Variants in THNSL1 observed in about 807,000 individuals in gnomAD.
THNSL1 encodes the protein threonine synthase like 1, also known as threonine synthase-like 1.
THNSL1 carries 48 observed loss-of-function variants against 50.4 expected under a neutral mutation model. That is an observed-to-expected ratio of 0.95 (90% CI 0.76 to 1.21). THNSL1 has a LOEUF of 1.21. THNSL1 is among the 50% of genes most tolerant of loss of function. THNSL1 has a pLI of 0.00. For missense variants in THNSL1, 896 were observed against 871.7 expected, an observed-to-expected ratio of 1.03 and a Z score of -0.35; for synonymous variants, 309 against 306.1, an observed-to-expected ratio of 1.01 and a Z score of -0.10.
At chr10:25,008,406 T>C in the THNSL1 span, among the ~76,000 whole-genome samples, 1 of 151,726 alleles carries the variant, frequency 6.6e-6, no homozygotes, top group Non-Finnish European at 1.5e-5. Flanking sequence ...CACCTAAGAG[T>C]TCCTAATAGT....
chr10:24,975,719 C>G, the THNSL1 span, among the ~76,000 whole-genome samples: 1 of 152,138 alleles, frequency 6.6e-6, no homozygotes, highest in Non-Finnish European at 1.5e-5. Context: ...CTGAGGCCTC[C>G]CCAGCCATGT....
upstream of THNSL1, among the ~76,000 whole-genome samples, chr10:25,012,955 C>T (rs1654751139): frequency 6.6e-6 from 1 of 152,124 alleles, no homozygotes; most frequent in Non-Finnish European, 1.5e-5. Context: ...TCCCATATGT[C>T]ATGGGAGGGA....
chr10:24,999,526 GC>G, the THNSL1 span: 1 of 1,609,292 alleles, frequency 6.2e-7, no homozygotes, highest in Non-Finnish European at 8.5e-7. Flanking sequence ...TTTTACAGTT[GC>G]CTTAAAAATG....
At chr10:24,978,970 C>A in the THNSL1 span, among the ~76,000 whole-genome samples, 9 of 152,134 alleles carry the variant, frequency 5.9e-5, no homozygotes, top group African/African-American at 1.4e-4. Flanking sequence ...ATTTTTTAAA[C>A]CATAGCACAT....
At chr10:24,998,889 C>G in the THNSL1 span, among the ~76,000 whole-genome samples, 1 of 152,182 alleles carries the variant, frequency 6.6e-6, no homozygotes, top group Admixed American at 6.5e-5. Context: ...ACCACTTATT[C>G]ATGAAGTCTC....
chr10:25,020,031 A>G (rs1040980074), intron 1 of THNSL1, among the ~76,000 whole-genome samples: 43 of 152,290 alleles, frequency 2.8e-4, no homozygotes, highest in Non-Finnish European at 2.2e-4. Flanking sequence ...GTTGGTTAAA[A>G]AATGTTGAGC....
chr10:24,999,531 A>G, the THNSL1 span: 6 of 1,609,058 alleles, frequency 3.7e-6, no homozygotes, highest in Non-Finnish European at 5.1e-6. Context: ...CAGTTGCCTT[A>G]AAAATGGATA....
the THNSL1 span, among the ~76,000 whole-genome samples, chr10:24,958,518 C>A: frequency 6.6e-6 from 1 of 152,192 alleles, no homozygotes; most frequent in Non-Finnish European, 1.5e-5. Context: ...ATAATTGCAA[C>A]AAAACCCAAC....
the THNSL1 span, among the ~76,000 whole-genome samples, chr10:24,971,442 G>A: frequency 2.6e-5 from 4 of 152,030 alleles, no homozygotes; most frequent in Admixed American, 6.6e-5. Context: ...CTTCCTAGGA[G>A]GGCATCATCC....
the THNSL1 span, among the ~76,000 whole-genome samples, chr10:24,959,440 A>G: frequency 6.6e-6 from 1 of 152,206 alleles, no homozygotes; most frequent in Admixed American, 6.5e-5. Flanking sequence ...AGATGGAGAA[A>G]GTAAAAGAAA....
chr10:24,997,589 T>G, the THNSL1 span, among the ~76,000 whole-genome samples: 1 of 151,862 alleles, frequency 6.6e-6, no homozygotes, highest in Non-Finnish European at 1.5e-5. Flanking sequence ...GGGTCTCACT[T>G]TGTTGCTCAG....
At chr10:24,994,862 T>C in the THNSL1 span, among the ~76,000 whole-genome samples, 2 of 151,626 alleles carry the variant, frequency 1.3e-5, no homozygotes, top group Admixed American at 6.6e-5. Context: ...GTCTACTAAA[T>C]ATACAAAAAA....
In THNSL1 at chr10:25,023,659, A is replaced by G; in HGVS notation, c.436A>G (p.Lys146Glu). 2 of 1,614,166 alleles carry G rather than the reference A, an allele frequency of 1.2e-6. No homozygotes were observed. The highest frequency in any genetic ancestry group is 1.1e-5 in the South Asian group (1 of 91,080). Reference sequence around the variant, plus strand: ...GCATGATGCTAGCATGTGGCATCTGAAGAAAAATGGAATAATTGTATACCT... The same window carrying G: ...GCATGATGCTAGCATGTGGCATCTGGAGAAAAATGGAATAATTGTATACCT... ...PMHDASMWHLKKNGIIVYLDV... is the reference protein window; with the variant it reads ...PMHDASMWHLEKNGIIVYLDV... The change falls in exon 3 of 3, where the codon AAG (lysine) becomes GAG (glutamate). Residue 146 changes from lysine (K) to glutamate (E), a missense_variant. By Grantham distance (56) the Lys-to-Glu change is moderately conservative. Transcript: ENST00000376356.
the THNSL1 span, among the ~76,000 whole-genome samples, chr10:24,952,878 C>T: frequency 8.6e-5 from 13 of 151,886 alleles, no homozygotes; most frequent in Non-Finnish European, 1.3e-4. This position sits in a 1 kb window ranked among gnomAD's most constrained non-coding sequence, Gnocchi z 5.1. Context: ...GCTGTCGCCG[C>T]CGCCCCCTGC....
At chr10:24,975,443 T>C in the THNSL1 span, among the ~76,000 whole-genome samples, 1 of 152,222 alleles carries the variant, frequency 6.6e-6, no homozygotes, top group African/African-American at 2.4e-5. Flanking sequence ...GGTTATGTTG[T>C]TGATATGGTT....
At chr10:25,011,920 C>A (rs1349778367), upstream of THNSL1, among the ~76,000 whole-genome samples, 1 of 152,228 alleles carries the variant, frequency 6.6e-6, no homozygotes, top group Non-Finnish European at 1.5e-5. Context: ...TGTCAGAGGT[C>A]TCCACAGCAG....
At chr10:24,995,808 A>G in the THNSL1 span, 1 of 1,614,078 alleles carries the variant, frequency 6.2e-7, no homozygotes, top group Non-Finnish European at 8.5e-7. Context: ...TTCCCATGAC[A>G]GGATGATCAG....
At chr10:24,990,958 G>A in the THNSL1 span, among the ~76,000 whole-genome samples, 1 of 152,182 alleles carries the variant, frequency 6.6e-6, no homozygotes, top group Non-Finnish European at 1.5e-5. Context: ...AAATTAGCCA[G>A]GCATCGTGGC....
chr10:24,990,645 T>G, the THNSL1 span: 3 of 1,574,686 alleles, frequency 1.9e-6, no homozygotes, highest in Non-Finnish European at 2.6e-6. Flanking sequence ...AATCAATATT[T>G]TGTATGCAAT....
Sources: allele counts gnomAD v4.1 joint callset (sites outside exome capture counted in the v4.1 genomes callset), GRCh38; gene constraint gnomAD v4.1.1; non-coding constraint Gnocchi (gnomAD v3.1); transcripts MANE v1.5; gene names NCBI Gene and HGNC (gene_info 2026-07-23, HGNC 2026-07-21).